Variants in MACF1 observed in about 807,000 individuals in gnomAD.
MACF1 encodes the protein microtubule actin crosslinking factor 1, also known as microtubule-actin cross-linking factor 1.
Under a neutral mutation model 854.8 loss-of-function variants are expected in MACF1, and 193 were observed. The ratio of observed to expected loss-of-function variants is 0.23; its 90% CI spans 0.20 to 0.25. The LOEUF is 0.25. Among genes scored for constraint, MACF1 ranks in the 10% least tolerant of loss-of-function variants. The pLI, the probability that MACF1 is intolerant of heterozygous loss-of-function variation, is 1.00. For synonymous variants in MACF1, 3,185 were observed against 3,226.7 expected (o/e 0.99, Z 0.44); for missense variants, 7,722 against 8,929.1 (o/e 0.86, Z 5.45).
chr1:39,423,533 G>A (rs1461570340), intron 60 of MACF1, among the ~76,000 whole-genome samples: 1 of 151,462 alleles, frequency 6.6e-6, no homozygotes, highest in Non-Finnish European at 1.5e-5. Flanking sequence ...TACTCGGGAG[G>A]CTGAGGCAGA....
At chr1:39,380,467 TTTAG>T in intron 55 of MACF1, 94 bp downstream of exon 55, 2 of 1,277,916 alleles carry the variant, frequency 1.6e-6, no homozygotes, top group South Asian at 1.5e-5. Context: ...AGGAATTATT[TTTAG>T]TTAATTTTTA....
At chr1:39,263,764 CTTTTTTCTTTTT>C (rs1557550939) in intron 6 of MACF1, among the ~76,000 whole-genome samples, 1 of 96,020 alleles carries the variant, frequency 1.0e-5, no homozygotes. Context: ...CATCTTTTTT[CTTTTTTCTTTTT>C]TTTTTTTTTT....
intron 6 of MACF1, among the ~76,000 whole-genome samples, chr1:39,259,461 C>G (rs189728839): frequency 6.6e-6 from 1 of 152,084 alleles, no homozygotes; most frequent in Non-Finnish European, 1.5e-5. Context: ...AGAGTTTCAC[C>G]ATGTTGGCCA....
At position 39,102,767 on chromosome 1, in the gene MACF1, C is replaced by T. The variant is rs983088397; in HGVS notation, c.220+18329C>T. 1.1e-5 allele frequency: 8 copies of T among 702,470 alleles called. No homozygotes were observed. The African/African-American group carries it at 1.4e-4, about 12-fold the overall frequency. 43.5% of individuals were successfully genotyped at this position (702,470 alleles called of 1,614,324 possible). A position where few individuals can be genotyped will look rare whatever the true frequency, so the allele number is the denominator to read the frequency against. ...GCCTTCTTAGAAATGCAGCAGCAGTCTCACCCATCAGGAGCAAAAGAAAAT... is the reference window on the plus strand; with the variant it reads ...GCCTTCTTAGAAATGCAGCAGCAGTTTCACCCATCAGGAGCAAAAGAAAAT... On this transcript the variant is annotated intron_variant, in intron 2 of 93. Coordinates refer to the MACF1 transcript ENST00000361689.
chr1:39,379,219 G>C lies in MACF1; in HGVS notation c.13293G>C (p.Gln4431His). The change falls in exon 54 of 101, where the codon CAG (glutamine) becomes CAC (histidine). Residue 4431 changes from glutamine (Q) to histidine (H), a missense_variant. Around this residue, in one of 15 missense-constraint regions of MACF1, gnomAD observed 2,807 missense variants for 3,235.8 expected, o/e 0.87. Coordinates refer to ENST00000564288, the MANE Select transcript of MACF1 (RefSeq NM_001394062.1). ...TGATACTAGATCTGACGGAGATCCA[G>C]TGTGACATGTCAGATGTAAACTTGA... Reference protein sequence around the residue: ...YHTCKDLTEIQCDMSDVNLKY... With the variant: ...YHTCKDLTEIHCDMSDVNLKY... 6.2e-7 allele frequency: 1 copy of C among 1,603,952 alleles called. No homozygotes were observed.
chr1:39,316,948 A>G (rs1646422017), intron 28 of MACF1, among the ~76,000 whole-genome samples: 1 of 152,228 alleles, frequency 6.6e-6, no homozygotes, highest in South Asian at 2.1e-4. Flanking sequence ...TTTTGGTTTC[A>G]TATGTTATAA....
intron 2 of MACF1, among the ~76,000 whole-genome samples, chr1:39,160,159 G>C (rs1643768766): frequency 6.6e-6 from 1 of 152,026 alleles, no homozygotes; most frequent in Non-Finnish European, 1.5e-5. Context: ...CTACAGAAAT[G>C]TTAAAAAATT....
chr1:39,442,094 T>G (rs1557657057), intron 75 of MACF1, 41 bp downstream of exon 75: 2 of 1,594,910 alleles, frequency 1.3e-6, no homozygotes, highest in Non-Finnish European at 1.7e-6. Flanking sequence ...AATTGTTTTA[T>G]TATAGTTTTT....
rs184299321 is a variant in MACF1, at chr1:39,446,699, A to T, written c.19606-733A>T. On this transcript the variant is annotated intron_variant, in intron 80 of 100. Transcript: ENST00000564288. The stretch of plus-strand genomic sequence containing the variant: ...CCTGCCTAGTAGGGGGGCCAGAGGC[A>T]GAAGTCATTACCAAAAGGTTAGTGT... Among the ~76,000 whole-genome samples the T allele has an allele frequency of 3.0e-3, 457 of 152,284 alleles. 1 individual carries two copies. The highest frequency in any genetic ancestry group is 0.011 in the African/African-American group (440 of 41,546).
In MACF1 at chr1:39,368,257, A is replaced by G; in HGVS notation, c.12881A>G (p.Asp4294Gly). Residue 4294 changes from aspartate (D) to glycine (G), a missense_variant, in exon 50 of 101, where the codon GAC becomes GGC. Asp to Gly is a moderately conservative substitution (Grantham distance 94). Coordinates refer to ENST00000564288, the MANE Select transcript of MACF1 (RefSeq NM_001394062.1). ...GCGCTGGACTTGTGCCAGCATCAGG[A>G]CAGGGTACAGAATCTAAGAAAAGAC... The part of the protein sequence containing the change: ...GFALDLCQHQ[D>G]RVQNLRKDFT... 1 of 1,614,168 alleles carries G rather than the reference A, an allele frequency of 6.2e-7. No individual in the cohort carries two copies. Among genetic ancestry groups the G allele is most frequent in the Non-Finnish European group, 8.5e-7 (1 of 1,180,016 alleles).
Position 39,404,183 on chromosome 1 carries a change from A to G in MACF1, c.15816+15525A>G, listed in dbSNP as rs540452032. Among the ~76,000 whole-genome samples the G allele has an allele frequency of 5.4e-5, 8 of 147,872 alleles. No homozygotes were observed. In the East Asian group the frequency reaches 9.8e-4, roughly 18 times the overall value. ...TAAATAAATAAATAAATAAATAAAT[A>G]AAATGAAATAGAATAAAACGGTTTT... On this transcript the variant is annotated intron_variant, in intron 58 of 100. Transcript: ENST00000564288.
In MACF1 at chr1:39,304,483, T is replaced by G; in HGVS notation, c.2789+1405T>G. On this transcript the variant is annotated intron_variant, in intron 23 of 100. Coordinates refer to ENST00000564288, the MANE Select transcript of MACF1 (RefSeq NM_001394062.1). Reference sequence around the variant, plus strand: ...CAGCGACTACTGTTGCTTGAAATACTTTTCCTTGAGATTTTTCTGGAAGCA... The same window carrying G: ...CAGCGACTACTGTTGCTTGAAATACGTTTCCTTGAGATTTTTCTGGAAGCA... 2.1e-6 allele frequency: 3 copies of G among 1,437,110 alleles called. No individual in the cohort carries two copies. In the South Asian group the frequency reaches 3.4e-5, roughly 16 times the overall value. The allele number at this position is 1,437,110 out of a possible 1,614,324, so 89.0% of individuals were successfully genotyped here. A position where few individuals can be genotyped will look rare whatever the true frequency, so the allele number is the denominator to read the frequency against.
intron 2 of MACF1, among the ~76,000 whole-genome samples, chr1:39,164,894 A>G (rs150702066): frequency 7.9e-5 from 12 of 152,324 alleles, no homozygotes; most frequent in African/African-American, 2.6e-4. Flanking sequence ...TTTTAAATCA[A>G]TGTATTACAG....
intron 23 of MACF1, among the ~76,000 whole-genome samples, chr1:39,307,515 A>G (rs1426677766): frequency 6.6e-6 from 1 of 152,192 alleles, no homozygotes; most frequent in African/African-American, 2.4e-5. Context: ...CATTATGCTA[A>G]TGAACACAAA....
At chr1:39,341,037 T>TC in intron 40 of MACF1, 84 bp downstream of exon 40, 1 of 715,824 alleles carries the variant, frequency 1.4e-6, no homozygotes, top group East Asian at 4.7e-5. Flanking sequence ...ATATTTATCT[T>TC]TTTTTTTTTT....
intron 2 of MACF1, among the ~76,000 whole-genome samples, chr1:39,145,451 T>G (rs1643441491): frequency 6.6e-6 from 1 of 152,200 alleles, no homozygotes; most frequent in African/African-American, 2.4e-5. Context: ...GTAAAGATAT[T>G]CAGGTTTTCT....
At chr1:39,099,591 C>T (rs939818222) in intron 2 of MACF1, among the ~76,000 whole-genome samples, 1 of 152,196 alleles carries the variant, frequency 6.6e-6, no homozygotes, top group African/African-American at 2.4e-5. Context: ...TTTTGTACTT[C>T]CCTCTTTCCT....
At position 39,452,164 on chromosome 1, in the gene MACF1, G is replaced by A; in HGVS notation, c.20427G>A (p.Gln6809=). Residue 6809 remains glutamine, a synonymous_variant, in exon 86 of 101, where the codon CAG becomes CAA. Transcript: ENST00000564288. ...CCTATTTTCTTTTCTAGGTTTTCCA[G>A]AAGGAACTGGGAAAGCGAACAGGAA... ...MNLMDAHKVF[Q]KELGKRTGTV... 1.3e-6 allele frequency: 2 copies of A among 1,588,526 alleles called. No homozygotes were observed. The highest frequency in any genetic ancestry group is 1.7e-6 in the Non-Finnish European group (2 of 1,167,436).
intron 57 of MACF1, 122 bp downstream of exon 57, chr1:39,386,051 T>C: frequency 9.1e-7 from 1 of 1,103,034 alleles, no homozygotes; most frequent in East Asian, 2.5e-5. Flanking sequence ...CAGAATGGTG[T>C]TAAACCAATT....
Sources: allele counts gnomAD v4.1 joint callset (sites outside exome capture counted in the v4.1 genomes callset), GRCh38; gene constraint gnomAD v4.1.1; regional missense constraint gnomAD v4.1.1; transcripts MANE v1.5; gene names NCBI Gene and HGNC (gene_info 2026-07-23, HGNC 2026-07-21).